The following MAP3K5 variants were observed in gnomAD, a reference collection of about 807,000 sequenced individuals.
MAP3K5 encodes the protein ASK-1.
MAP3K5 carries 56 observed loss-of-function variants against 158.7 expected under a neutral mutation model. The ratio of observed to expected loss-of-function variants is 0.35; its 90% confidence interval spans 0.28 to 0.44. MAP3K5 has a LOEUF of 0.44. MAP3K5 is among the 20% of genes least tolerant of loss of function. MAP3K5 has a pLI of 1.00. For synonymous variants in MAP3K5, 579 were observed against 601.7 expected, an observed-to-expected ratio of 0.96 and a Z score of 0.55; for missense variants, 1,294 against 1,674.8, an observed-to-expected ratio of 0.77 and a Z score of 3.97.
chr6:136,735,647 A>C (rs959470389), intron 1 of MAP3K5, among the ~76,000 whole-genome samples: 1 of 151,988 alleles, frequency 6.6e-6, no homozygotes. Flanking sequence ...CTGAGCAACA[A>C]AGTCAGACCC....
At chr6:136,688,143 A>G (rs546867423) in intron 7 of MAP3K5, among the ~76,000 whole-genome samples, 2 of 152,334 alleles carry the variant, frequency 1.3e-5, no homozygotes, top group African/African-American at 4.8e-5. Flanking sequence ...GCTGGAAACC[A>G]TAATTCTCAG....
chr6:136,569,594 G>T (rs961398168), intron 25 of MAP3K5, among the ~76,000 whole-genome samples: 5 of 152,136 alleles, frequency 3.3e-5, no homozygotes, highest in Non-Finnish European at 5.9e-5. Context: ...GTCCTGCCTT[G>T]CTGGGCTGAA....
At chr6:136,713,296 T>C (rs1420742938) in intron 2 of MAP3K5, among the ~76,000 whole-genome samples, 2 of 152,194 alleles carry the variant, frequency 1.3e-5, no homozygotes, top group African/African-American at 4.8e-5. Flanking sequence ...TATAATGGCA[T>C]TGTGCATCGC....
chr6:136,734,738 T>C (rs898019296), intron 1 of MAP3K5, among the ~76,000 whole-genome samples: 4 of 152,204 alleles, frequency 2.6e-5, no homozygotes, highest in Non-Finnish European at 2.9e-5. Context: ...TGGTCTCTCA[T>C]ATTTAGTTTT....
intron 1 of MAP3K5, among the ~76,000 whole-genome samples, chr6:136,763,666 C>G (rs1490319905): frequency 6.6e-6 from 1 of 152,200 alleles, no homozygotes; most frequent in Non-Finnish European, 1.5e-5. Flanking sequence ...TATGACTTGG[C>G]TATCTGATGG....
Position 136,605,369 on chromosome 6 carries a change from G to A in MAP3K5, c.2522-3C>T, listed in dbSNP as rs559252828. ...TGGTGCCATATACTGGAGGGTACCT[G>A]GAAACAATTCAAACACATTTCCATT... is the stretch of plus-strand genomic sequence containing the variant. On this transcript the variant is annotated splice_polypyrimidine_tract_variant and splice_region_variant and intron_variant, in intron 18 of 29. Transcript: ENST00000359015. The A allele has an allele frequency of 6.2e-7, 1 of 1,602,332 alleles. No homozygotes were observed. The highest frequency in any genetic ancestry group is 1.3e-5 in the African/African-American group (1 of 74,274).
chr6:136,642,030 AAAAATAAAAT>A (rs57982866), intron 12 of MAP3K5, among the ~76,000 whole-genome samples: 8,188 of 118,472 alleles, frequency 0.069, 370 homozygotes, highest in Admixed American at 0.11. Context: ...AAAATAAAAT[AAAAATAAAAT>A]AAAATAAAAT....
chr6:136,688,466 G>A (rs1319962454), intron 7 of MAP3K5, among the ~76,000 whole-genome samples: 1 of 152,058 alleles, frequency 6.6e-6, no homozygotes, highest in Non-Finnish European at 1.5e-5. Context: ...ACCATTTTCT[G>A]TTCTTAATAG....
At chr6:136,610,825 T>C (rs1314681144) in intron 18 of MAP3K5, among the ~76,000 whole-genome samples, 2 of 151,888 alleles carry the variant, frequency 1.3e-5, no homozygotes, top group Non-Finnish European at 2.9e-5. Flanking sequence ...GATACCAACA[T>C]TGGCCAGGCG....
chr6:136,686,967 A>G (rs372897635), intron 7 of MAP3K5, among the ~76,000 whole-genome samples: 26 of 152,278 alleles, frequency 1.7e-4, no homozygotes, highest in Admixed American at 9.2e-4. Context: ...TATAGCCAAG[A>G]CAATCTTAAA....
chr6:136,727,746 G>A (rs967945342), intron 1 of MAP3K5, among the ~76,000 whole-genome samples: 1 of 152,134 alleles, frequency 6.6e-6, no homozygotes, highest in African/African-American at 2.4e-5. Flanking sequence ...GGACCACAAG[G>A]TCAGGAGATC....
chr6:136,665,454 C>A (rs1343899295), intron 8 of MAP3K5, among the ~76,000 whole-genome samples: 1 of 151,024 alleles, frequency 6.6e-6, no homozygotes, highest in Non-Finnish European at 1.5e-5. Context: ...TCAAGCGATT[C>A]TTTTGCCTCA....
Position 136,557,537 on chromosome 6 carries a change from T to C in MAP3K5, c.*221A>G, listed in dbSNP as rs1830303595. The C allele has an allele frequency of 4.3e-6, 2 of 460,842 alleles. No individual in the cohort carries two copies. The highest frequency in any genetic ancestry group is 7.7e-6 in the Non-Finnish European group (2 of 258,362). The allele number at this position is 460,842 out of a possible 1,614,324, so 28.5% of individuals were successfully genotyped here. A position where few individuals can be genotyped will look rare whatever the true frequency, so the allele number is the denominator to read the frequency against. ...ATTAGGGTTCTAATGTTCAGGATTA[T>C]TTTAAGAGTCCTTATGAAGAGTCCT... is the stretch of plus-strand genomic sequence containing the variant. On this transcript the variant is annotated 3_prime_UTR_variant, in exon 30 of 30. Transcript: ENST00000359015.
intron 18 of MAP3K5, among the ~76,000 whole-genome samples, chr6:136,608,024 C>G (rs1490539462): frequency 6.6e-6 from 1 of 152,082 alleles, no homozygotes; most frequent in Non-Finnish European, 1.5e-5. Flanking sequence ...TGCGTTGAGA[C>G]TGGAAGAAGG....
chr6:136,637,228 T>C, intron 14 of MAP3K5, 97 bp downstream of exon 14: 1 of 1,264,160 alleles, frequency 7.9e-7, no homozygotes, highest in African/African-American at 1.5e-5. Flanking sequence ...ACAGACAGTC[T>C]CCTACCCCTC....
intron 3 of MAP3K5, among the ~76,000 whole-genome samples, chr6:136,704,198 A>T (rs531186416): frequency 5.0e-4 from 76 of 152,332 alleles, no homozygotes; most frequent in African/African-American, 1.7e-3. Flanking sequence ...ATAGATAAAG[A>T]TATCTATATA....
At chr6:136,592,106 G>A in intron 23 of MAP3K5, 67 bp downstream of exon 23, 1 of 1,394,756 alleles carries the variant, frequency 7.2e-7, no homozygotes, top group East Asian at 2.3e-5. Flanking sequence ...TGTGACAGCT[G>A]CAGGCGGTTA....
intron 1 of MAP3K5, among the ~76,000 whole-genome samples, chr6:136,783,655 C>G (rs9494569): frequency 0.62 from 94,484 of 152,082 alleles, 29,464 homozygotes; most frequent in Admixed American, 0.68. Flanking sequence ...CACAGTGAGG[C>G]TTCCATGGGT....
In MAP3K5 at chr6:136,579,110, A is replaced by C. The variant is rs151305555; in HGVS notation, c.3517+1191T>G. Among the ~76,000 whole-genome samples the C allele has an allele frequency of 3.5e-3, 530 of 152,268 alleles. 7 individuals are homozygous for C. The highest frequency in any genetic ancestry group is 0.012 in the African/African-American group (511 of 41,546). On this transcript the variant is annotated intron_variant, in intron 25 of 29. Coordinates refer to ENST00000359015, the MANE Select transcript of MAP3K5 (RefSeq NM_005923.4). ...CTATAATATAGGTACAAATTAGTAC[A>C]ATAGAACATGTTTCTAATTTGTTTA... is the stretch of plus-strand genomic sequence containing the variant.
Sources: gnomAD v4.1 joint callset for allele counts (sites outside exome capture counted in the v4.1 genomes callset) on GRCh38, gnomAD v4.1.1 for gene constraint, MANE v1.5 for transcripts, NCBI Gene and HGNC (gene_info 2026-07-23, HGNC 2026-07-21) for gene names.